Variants in OR6J1 observed in about 807,000 individuals in gnomAD.
The protein encoded by OR6J1 is olfactory receptor family 6 subfamily J member 1.
For missense variants in OR6J1, 304 were observed against 166.8 expected, an observed-to-expected ratio of 1.82 and a Z score of -4.53; for synonymous variants, 109 against 70.0, an observed-to-expected ratio of 1.56 and a Z score of -2.78.
At chr14:22,642,312 A>AATCTATATATATATATATATAT (rs2037658182) in intron 1 of OR6J1, among the ~76,000 whole-genome samples, 1 of 109,240 alleles carries the variant, frequency 9.2e-6, no homozygotes. Context: ...TCAACTTAAG[A>AATCTATATATATATATATATAT]ATATATATAT....
rs1253631755 is a variant in OR6J1 at position 22,643,760 on chromosome 14, C to CAGAGAGAGAGAG, written c.-28+337_-28+338insCTCTCTCTCTCT. 1.0e-3 allele frequency among the ~76,000 whole-genome samples: 66 copies of CAGAGAGAGAGAG among 62,952 alleles called. 1 individual carries two copies. The highest frequency in any genetic ancestry group is 8.5e-3 in the East Asian group (11 of 1,296). The allele number at this position is 62,952 out of a possible 152,430, so 41.3% of individuals were successfully genotyped here. A position where few individuals can be genotyped will look rare whatever the true frequency, so the allele number is the denominator to read the frequency against. On this transcript the variant is annotated intron_variant, in intron 1 of 1. Coordinates refer to ENST00000540461, the MANE Select transcript of OR6J1 (RefSeq NM_001348233.2). ...ACACACACACACACACACACACACA[C>CAGAGAGAGAGAG]ACACAGAGAGAGAGAGAGAGAGAGA...
At chr14:22,642,442 G>A (rs909188719) in intron 1 of OR6J1, among the ~76,000 whole-genome samples, 6 of 150,950 alleles carry the variant, frequency 4.0e-5, no homozygotes, top group African/African-American at 1.2e-4. Flanking sequence ...GGGTTCAAGC[G>A]ATTCTCCTGC....
chr14:22,639,193 G>T (rs1300231084), intron 1 of OR6J1, among the ~76,000 whole-genome samples: 72 of 105,644 alleles, frequency 6.8e-4, no homozygotes, highest in African/African-American at 1.3e-3. Context: ...GAAGTGAGGA[G>T]CGTCTCCGCC....
intron 1 of OR6J1, among the ~76,000 whole-genome samples, chr14:22,638,657 AT>A (rs1160148811): frequency 0.079 from 3,554 of 45,040 alleles, 904 homozygotes; most frequent in African/African-American, 0.45. Flanking sequence ...AATAAAAAAA[AT>A]AAAAATAAAA....
Position 22,639,235 on chromosome 14 carries a change from G to C in OR6J1, c.-27-4397C>G, listed in dbSNP as rs533711082. ...CCACCCCGTCCGGGAGGGAGGTGGTGGGGGGTCAGCCCCCCGCCAGGCCAG... is the reference window on the plus strand; with the variant it reads ...CCACCCCGTCCGGGAGGGAGGTGGTCGGGGGTCAGCCCCCCGCCAGGCCAG... On this transcript the variant is annotated intron_variant, in intron 1 of 1. Coordinates refer to ENST00000540461, the MANE Select transcript of OR6J1 (RefSeq NM_001348233.2). Among the ~76,000 whole-genome samples, 4 of 111,266 alleles carry C rather than the reference G, an allele frequency of 3.6e-5. No individual in the cohort carries two copies. In the South Asian group the frequency reaches 9.7e-4, roughly 27 times the overall value. 73.0% of individuals were successfully genotyped at this position (111,266 alleles called of 152,430 possible). A position where few individuals can be genotyped will look rare whatever the true frequency, so the allele number is the denominator to read the frequency against.
chr14:22,639,546 G>A (rs1207432632), intron 1 of OR6J1, among the ~76,000 whole-genome samples: 8,453 of 114,504 alleles, frequency 0.074, 83 homozygotes, highest in Non-Finnish European at 0.089. Context: ...ATAGAAAGGC[G>A]GGAAAGGTGG....
intron 1 of OR6J1, among the ~76,000 whole-genome samples, chr14:22,641,028 G>A (rs1280671818): frequency 6.6e-6 from 1 of 150,920 alleles, no homozygotes; most frequent in Non-Finnish European, 1.5e-5. Flanking sequence ...AATTAGCCAG[G>A]CATGGTGCCA....
At chr14:22,641,236 AG>A in intron 1 of OR6J1, among the ~76,000 whole-genome samples, 1 of 33,046 alleles carries the variant, frequency 3.0e-5, no homozygotes, top group Non-Finnish European at 6.9e-5. Flanking sequence ...AAAGAAAGAA[AG>A]AAAGAAAGAA....
At chr14:22,639,015 A>T (rs1206728374) in intron 1 of OR6J1, among the ~76,000 whole-genome samples, 1 of 98,274 alleles carries the variant, frequency 1.0e-5, no homozygotes, top group Non-Finnish European at 2.0e-5. Context: ...CCCGGCCGAG[A>T]CCCCGTCTGG....
chr14:22,637,963 C>T (rs1366217913), intron 1 of OR6J1, among the ~76,000 whole-genome samples: 2 of 96,024 alleles, frequency 2.1e-5, no homozygotes, highest in African/African-American at 6.9e-5. Flanking sequence ...GGCCTCTGCC[C>T]GGCCGCCCCT....
chr14:22,643,159 G>A (rs1278392019), intron 1 of OR6J1, among the ~76,000 whole-genome samples: 1 of 151,810 alleles, frequency 6.6e-6, no homozygotes, highest in African/African-American at 2.4e-5. Context: ...GTAGAGACAG[G>A]GTTTCCCCAT....
In OR6J1 at chr14:22,638,803, G is replaced by C. The variant is rs1307109523; in HGVS notation, c.-27-3965C>G. 1.4e-5 allele frequency among the ~76,000 whole-genome samples: 2 copies of C among 143,636 alleles called. 1 individual carries two copies. The highest frequency in any genetic ancestry group is 3.0e-5 in the Non-Finnish European group (2 of 65,734). The allele number at this position is 143,636 out of a possible 152,430, so 94.2% of individuals were successfully genotyped here. A position where few individuals can be genotyped will look rare whatever the true frequency, so the allele number is the denominator to read the frequency against. On this transcript the variant is annotated intron_variant, in intron 1 of 1. Coordinates refer to ENST00000540461, the MANE Select transcript of OR6J1 (RefSeq NM_001348233.2). ...AAAAATTTACACTGCTAGGTGAGGA[G>C]CCCCTCTGCCTGGCTGCCCAGTCTG...
At chr14:22,635,820 A>C (rs915388370) in intron 1 of OR6J1, among the ~76,000 whole-genome samples, 2 of 152,170 alleles carry the variant, frequency 1.3e-5, no homozygotes, top group African/African-American at 4.8e-5. Flanking sequence ...CTTTTGTGTA[A>C]AGATCAAAAC....
rs11850683 is a variant in OR6J1, at chr14:22,633,417, A to G, written c.*351T>C. On this transcript the variant is annotated 3_prime_UTR_variant, in exon 2 of 2. Coordinates refer to ENST00000540461, the MANE Select transcript of OR6J1 (RefSeq NM_001348233.2). ...GGATGGAAAGAAAGAGGGTCCGTGC[A>G]GAGAAGTTCAGGAAGGACTTCGTGT... 2,324 of 217,754 alleles carry G rather than the reference A, an allele frequency of 0.011. 48 individuals are homozygous for G. The highest frequency in any genetic ancestry group is 0.05 in the African/African-American group (2,157 of 43,564). 13.5% of individuals were successfully genotyped at this position (217,754 alleles called of 1,614,324 possible).
At chr14:22,640,231 A>AGGGG (rs1448413677) in intron 1 of OR6J1, among the ~76,000 whole-genome samples, 1 of 104,464 alleles carries the variant, frequency 9.6e-6, no homozygotes, top group Non-Finnish European at 1.9e-5. Context: ...GGAGGGAGGG[A>AGGGG]AGGAAGGATG....
chr14:22,639,188 G>A (rs1456097723), intron 1 of OR6J1, among the ~76,000 whole-genome samples: 1 of 118,776 alleles, frequency 8.4e-6, no homozygotes, highest in African/African-American at 4.8e-5. Context: ...TCTGGGAAGT[G>A]AGGAGCGTCT....
Position 22,634,379 on chromosome 14 carries a change from C to G in OR6J1, c.433G>C (p.Val145Leu), listed in dbSNP as rs757931008. 1 of 703,344 alleles carries G rather than the reference C, an allele frequency of 1.4e-6. No homozygotes were observed. The highest frequency in any genetic ancestry group is 2.6e-6 in the Non-Finnish European group (1 of 384,970). 43.6% of individuals were successfully genotyped at this position (703,344 alleles called of 1,614,324 possible). A position where few individuals can be genotyped will look rare whatever the true frequency, so the allele number is the denominator to read the frequency against. Residue 145 changes from valine to leucine, a missense_variant, in exon 2 of 2, where the codon GTA becomes CTA. Val to Leu is a conservative substitution (Grantham distance 32). Transcript: ENST00000540461. Reference protein sequence around the residue: ...MRPSVCIGTVVFSWVGGFLSV... With the variant: ...MRPSVCIGTVLFSWVGGFLSV... The stretch of plus-strand genomic sequence containing the variant: ...AGGAAGCCTCCCACCCAAGAGAATA[C>G]AACGGTCCCAATGCAGACAGAAGGT...
chr14:22,641,614 TAC>T (rs1566398103), intron 1 of OR6J1, among the ~76,000 whole-genome samples: 1 of 147,002 alleles, frequency 6.8e-6, no homozygotes, highest in African/African-American at 2.5e-5. Flanking sequence ...TATATATATA[TAC>T]ATAGTTGGAT....
Position 22,633,949 on chromosome 14 carries a change from A to AC in OR6J1, c.862_863insG (p.Ile288SerfsTer7). On this transcript the variant is annotated frameshift_variant, in exon 2 of 2. Coordinates refer to ENST00000540461, the MANE Select transcript of OR6J1 (RefSeq NM_001348233.2). LOFTEE classifies it low-confidence loss of function (END_TRUNC). ...CACTGTGTCATTCCTCAGAGTATATATAAAGGGGTTGAGGAATGGAGTCAC... is the reference window on the plus strand; with the variant it reads ...CACTGTGTCATTCCTCAGAGTATATACTAAAGGGGTTGAGGAATGGAGTCAC... The AC allele has an allele frequency of 4.3e-6, 3 of 702,942 alleles. No individual in the cohort carries two copies. The highest frequency in any genetic ancestry group is 7.8e-6 in the Non-Finnish European group (3 of 384,858). The allele number at this position is 702,942 out of a possible 1,614,324, so 43.5% of individuals were successfully genotyped here.
Sources: allele counts gnomAD v4.1 joint callset (sites outside exome capture counted in the v4.1 genomes callset), GRCh38; gene constraint gnomAD v4.1.1; transcripts MANE v1.5; gene names NCBI Gene and HGNC (gene_info 2026-07-23, HGNC 2026-07-21).